MLLT3: variants seen among roughly 807,000 people sequenced by gnomAD.
MLLT3 encodes protein AF-9.
In MLLT3, 4 loss-of-function variants were observed where a neutral mutation model predicts 53.2. That is an observed-to-expected ratio of 0.08 (90% confidence interval 0.04 to 0.17). The LOEUF (loss-of-function observed/expected upper bound fraction) is 0.17. Among genes scored for constraint, MLLT3 ranks in the 10% least tolerant of loss-of-function variants. The pLI is 1.00. For synonymous variants in MLLT3, 283 were observed against 230.6 expected, an observed-to-expected ratio of 1.23 and a Z score of -2.06; for missense variants, 569 against 684.0, an observed-to-expected ratio of 0.83 and a Z score of 1.87.
intron 4 of MLLT3, among the ~76,000 whole-genome samples, chr9:20,430,745 A>C (rs1362968641): frequency 2.0e-5 from 3 of 152,124 alleles, no homozygotes. Flanking sequence ...TATTTTAAAA[A>C]TCTGATCACA....
At chr9:20,455,602 TA>T (rs1291467310) in intron 3 of MLLT3, among the ~76,000 whole-genome samples, 3 of 152,128 alleles carry the variant, frequency 2.0e-5, no homozygotes, top group African/African-American at 7.2e-5. Flanking sequence ...CTGGTTTGGA[TA>T]ACATGACATT....
chr9:20,395,153 G>A (rs1288929526), intron 5 of MLLT3, among the ~76,000 whole-genome samples: 1 of 152,152 alleles, frequency 6.6e-6, no homozygotes, highest in African/African-American at 2.4e-5. Flanking sequence ...GCACTTTGGA[G>A]GGAAGGTGGT....
intron 6 of MLLT3, among the ~76,000 whole-genome samples, chr9:20,364,941 A>G (rs1445044471): frequency 1.3e-5 from 2 of 152,260 alleles, no homozygotes; most frequent in African/African-American, 4.8e-5. Context: ...TCTGAATTCA[A>G]GTTAACACTT....
intron 2 of MLLT3, among the ~76,000 whole-genome samples, chr9:20,483,243 T>TA (rs60191710): frequency 0.27 from 5,592 of 20,630 alleles, 324 homozygotes; most frequent in African/African-American, 0.47. Flanking sequence ...TTATTATTAT[T>TA]TTTTTTTTTG....
intron 2 of MLLT3, among the ~76,000 whole-genome samples, chr9:20,572,701 G>T (rs997696320): frequency 6.6e-6 from 1 of 152,150 alleles, no homozygotes; most frequent in African/African-American, 2.4e-5. Flanking sequence ...GGTGGAGGCG[G>T]AAGGATTGCT....
At chr9:20,355,513 T>C (rs1024873795) in intron 8 of MLLT3, among the ~76,000 whole-genome samples, 5 of 152,218 alleles carry the variant, frequency 3.3e-5, no homozygotes, top group Admixed American at 3.3e-4. Context: ...CTTTACATAC[T>C]GTATAGAAGC....
intron 2 of MLLT3, among the ~76,000 whole-genome samples, chr9:20,613,546 G>T (rs1212554074): frequency 2.7e-5 from 4 of 150,822 alleles, no homozygotes; most frequent in Non-Finnish European, 5.9e-5. Context: ...TGGTAGTGGG[G>T]ATTTGAATGT....
chr9:20,388,223 C>A (rs1822089696), intron 5 of MLLT3, among the ~76,000 whole-genome samples: 1 of 152,168 alleles, frequency 6.6e-6, no homozygotes, highest in African/African-American at 2.4e-5. Flanking sequence ...AAACCATTAG[C>A]TAAAAAGTAA....
chr9:20,519,018 G>C (rs991540647), intron 2 of MLLT3, among the ~76,000 whole-genome samples: 8 of 151,334 alleles, frequency 5.3e-5, no homozygotes, highest in African/African-American at 1.5e-4. Flanking sequence ...TCCTATAAAA[G>C]GTAAAAAAGG....
At chr9:20,375,243 C>T (rs1156488681) in intron 5 of MLLT3, among the ~76,000 whole-genome samples, 2 of 152,120 alleles carry the variant, frequency 1.3e-5, no homozygotes, top group Non-Finnish European at 2.9e-5. Flanking sequence ...ATTAAGTGAC[C>T]GGGGGTAATA....
intron 2 of MLLT3, among the ~76,000 whole-genome samples, chr9:20,463,790 T>C (rs1824169900): frequency 6.6e-6 from 1 of 152,190 alleles, no homozygotes; most frequent in African/African-American, 2.4e-5. Flanking sequence ...CCAAGAATTA[T>C]TATCATTTTC....
intron 2 of MLLT3, among the ~76,000 whole-genome samples, chr9:20,545,909 G>A (rs1432733116): frequency 1.3e-5 from 2 of 149,766 alleles, no homozygotes; most frequent in African/African-American, 4.9e-5. Context: ...TCCCAGCTAC[G>A]AGAAAGACTG....
chr9:20,431,244 A>T (rs1260189685), intron 4 of MLLT3, among the ~76,000 whole-genome samples: 1 of 152,158 alleles, frequency 6.6e-6, no homozygotes, highest in Non-Finnish European at 1.5e-5. Context: ...GACCAGCAAT[A>T]TTAGTATTAC....
At chr9:20,530,364 G>C (rs746627820) in intron 2 of MLLT3, among the ~76,000 whole-genome samples, 5 of 152,118 alleles carry the variant, frequency 3.3e-5, no homozygotes, top group Admixed American at 6.5e-5. Flanking sequence ...CTAAATCTTT[G>C]ATTTAACATA....
chr9:20,544,520 G>T (rs1372524756), intron 2 of MLLT3, among the ~76,000 whole-genome samples: 1 of 152,178 alleles, frequency 6.6e-6, no homozygotes, highest in African/African-American at 2.4e-5. Flanking sequence ...GAATGCAAAT[G>T]AAGCCACAAT....
At chr9:20,601,015 G>A (rs1449369735) in intron 2 of MLLT3, among the ~76,000 whole-genome samples, 6 of 152,214 alleles carry the variant, frequency 3.9e-5, no homozygotes, top group Non-Finnish European at 8.8e-5. Flanking sequence ...AAAAAGTGTA[G>A]TCAATCACAG....
At chr9:20,430,262 G>A (rs966600957) in intron 4 of MLLT3, among the ~76,000 whole-genome samples, 1 of 152,210 alleles carries the variant, frequency 6.6e-6, no homozygotes, top group East Asian at 1.9e-4. Flanking sequence ...CAGATTCAAT[G>A]TAATTTCAAT....
chr9:20,609,852 C>A (rs937311923), intron 2 of MLLT3, among the ~76,000 whole-genome samples: 3 of 152,124 alleles, frequency 2.0e-5, no homozygotes, highest in African/African-American at 7.2e-5. Context: ...TTCCAATACA[C>A]TGATGTTCAT....
At position 20,622,462 on chromosome 9, in the gene MLLT3, G is replaced by A. The variant is rs1821049677; in HGVS notation, c.-206C>T. On this transcript the variant is annotated 5_prime_UTR_variant, in exon 1 of 11. Transcript: ENST00000380338. ...AAACTCAGCCCCAAAAGCAAAAGCA[G>A]CAGCAGCAGCAGCAGCTCCAGGGTA... The A allele has an allele frequency of 1.7e-5, 9 of 537,606 alleles. No homozygotes were observed. Among genetic ancestry groups the A allele is most frequent in the Admixed American group, 3.5e-5 (1 of 28,382 alleles). 33.3% of individuals were successfully genotyped at this position (537,606 alleles called of 1,614,324 possible).
Sources: allele counts gnomAD v4.1 joint callset (sites outside exome capture counted in the v4.1 genomes callset), GRCh38; gene constraint gnomAD v4.1.1; transcripts MANE v1.5; gene names NCBI Gene and HGNC (gene_info 2026-07-23, HGNC 2026-07-21).